Variants in MAP3K3 observed in about 807,000 individuals in gnomAD.
MAP3K3 encodes the protein mitogen-activated protein kinase kinase kinase 3.
Under a neutral mutation model 80.9 loss-of-function variants are expected in MAP3K3, and 12 were observed. The ratio of observed to expected loss-of-function variants is 0.15; its 90% CI spans 0.10 to 0.24. The LOEUF is 0.24. Ranked by LOEUF, MAP3K3 falls within the 10% of genes least tolerant of loss-of-function variation. MAP3K3 has a pLI of 1.00. For missense variants in MAP3K3, 596 were observed against 834.7 expected (o/e 0.71, Z 3.52); for synonymous variants, 272 against 307.1 (o/e 0.89, Z 1.19).
At chr17:63,654,553 T>C (rs2034725594) in intron 4 of MAP3K3, among the ~76,000 whole-genome samples, 1 of 152,192 alleles carries the variant, frequency 6.6e-6, no homozygotes, top group Non-Finnish European at 1.5e-5. Flanking sequence ...AATGAACATA[T>C]GTTTTCAATT....
In MAP3K3 at chr17:63,652,331, T is replaced by C. The variant is rs539400874; in HGVS notation, c.168-226T>C. ...TGAAGTGGTAGATGAATGGTTGGGATTGAGCAATAGTTGTGGGTACTGTTG... is the reference window on the plus strand; with the variant it reads ...TGAAGTGGTAGATGAATGGTTGGGACTGAGCAATAGTTGTGGGTACTGTTG... On this transcript the variant is annotated intron_variant, in intron 3 of 15. Transcript: ENST00000361733. Among the ~76,000 whole-genome samples, 7 of 152,240 alleles carry C rather than the reference T, an allele frequency of 4.6e-5. No homozygotes were observed. The East Asian group carries it at 1.2e-3, about 25-fold the overall frequency.
At chr17:63,673,380 G>A (rs938237430) in intron 6 of MAP3K3, among the ~76,000 whole-genome samples, 2 of 150,864 alleles carry the variant, frequency 1.3e-5, no homozygotes, top group African/African-American at 4.9e-5. Flanking sequence ...TGTTAAACTA[G>A]TTCATGCTAA....
intron 4 of MAP3K3, among the ~76,000 whole-genome samples, chr17:63,654,746 GA>G (rs2034729368): frequency 6.6e-6 from 1 of 152,134 alleles, no homozygotes; most frequent in Admixed American, 6.6e-5. Flanking sequence ...ATTTATAAAA[GA>G]AATAGGTGGC....
intron 1 of MAP3K3, among the ~76,000 whole-genome samples, chr17:63,623,463 T>C (rs1346688646): frequency 6.6e-6 from 1 of 152,168 alleles, no homozygotes; most frequent in Non-Finnish European, 1.5e-5. Flanking sequence ...TAATCCATTA[T>C]TTTTTTCTTG....
chr17:63,689,168 C>G lies in MAP3K3; in HGVS notation c.871+287C>G, dbSNP rs1292662217. 1 of 560,202 alleles carries G rather than the reference C, an allele frequency of 1.8e-6. No individual in the cohort carries two copies. Among genetic ancestry groups the G allele is most frequent in the African/African-American group, 1.9e-5 (1 of 53,054 alleles). The allele number at this position is 560,202 out of a possible 1,614,324, so 34.7% of individuals were successfully genotyped here. On this transcript the variant is annotated intron_variant, in intron 10 of 15. Coordinates refer to ENST00000361733, the MANE Select transcript of MAP3K3 (RefSeq NM_002401.5). This position sits in a 1 kb window ranked among gnomAD's most constrained non-coding sequence, Gnocchi z 4.3. Reference sequence around the variant, plus strand: ...TCTTCTGCCCCACAGCAGCAGGTGGCCTGGGCCCTGTAGAGGGGTAAGGAG... The same window carrying G: ...TCTTCTGCCCCACAGCAGCAGGTGGGCTGGGCCCTGTAGAGGGGTAAGGAG...
Sources: allele counts gnomAD v4.1 joint callset (sites outside exome capture counted in the v4.1 genomes callset), GRCh38; gene constraint gnomAD v4.1.1; non-coding constraint Gnocchi (gnomAD v3.1); transcripts MANE v1.5; gene names NCBI Gene and HGNC (gene_info 2026-07-23, HGNC 2026-07-21).